The following EBF4 variants were observed in gnomAD, a reference collection of about 807,000 sequenced individuals.
The protein encoded by EBF4 is EBF transcription factor 4, also known as transcription factor COE4.
Under a neutral mutation model 67.1 loss-of-function variants are expected in EBF4, and 34 were observed. That is an observed-to-expected ratio of 0.51 (90% CI 0.39 to 0.67). EBF4 has a LOEUF of 0.67. Among genes scored for constraint, EBF4 ranks in the 30% least tolerant of loss-of-function variants. The pLI is 0.00. For missense variants in EBF4, 837 were observed against 873.3 expected (o/e 0.96, Z 0.52); for synonymous variants, 387 against 377.7 (o/e 1.02, Z -0.29).
At chr20:2,742,380 G>A (rs996680953) in intron 6 of EBF4, among the ~76,000 whole-genome samples, 1 of 152,114 alleles carries the variant, frequency 6.6e-6, no homozygotes, top group Non-Finnish European at 1.5e-5. Flanking sequence ...GGTTAGACCT[G>A]GTTCCCTGTT....
chr20:2,742,574 C>G (rs559496905), intron 6 of EBF4, among the ~76,000 whole-genome samples: 5 of 152,302 alleles, frequency 3.3e-5, no homozygotes, highest in Non-Finnish European at 5.9e-5. Context: ...GCCATGCCCT[C>G]CAAGAGCCTC....
intron 6 of EBF4, among the ~76,000 whole-genome samples, chr20:2,722,178 G>A (rs951393123): frequency 6.6e-6 from 1 of 152,130 alleles, no homozygotes; most frequent in African/African-American, 2.4e-5. Flanking sequence ...CAGGACTACA[G>A]GTATGTGCCA....
exon 9 of EBF4, chr20:2,749,621 T>G: frequency 6.4e-7 from 1 of 1,556,716 alleles, no homozygotes; most frequent in Non-Finnish European, 8.7e-7. Context: ...GCCTCCCAGC[T>G]GCCACCCCCT....
intron 13 of EBF4, 44 bp downstream of exon 13, chr20:2,752,307 G>T (rs931383506): frequency 4.2e-6 from 5 of 1,202,024 alleles, no homozygotes; most frequent in Non-Finnish European, 4.1e-6. Flanking sequence ...CGCCGCCACC[G>T]CCCCTCCCCG....
At chr20:2,711,424 G>A (rs2087543773) in intron 6 of EBF4, among the ~76,000 whole-genome samples, 1 of 152,076 alleles carries the variant, frequency 6.6e-6, no homozygotes, top group South Asian at 2.1e-4. Flanking sequence ...GAATTACTTT[G>A]TCCATGTGCC....
At chr20:2,740,795 C>G (rs1268457323) in intron 6 of EBF4, among the ~76,000 whole-genome samples, 3 of 152,084 alleles carry the variant, frequency 2.0e-5, no homozygotes, top group East Asian at 3.9e-4. Flanking sequence ...CTATCCCATG[C>G]AGAGGTCTGG....
chr20:2,747,691 G>A lies in EBF4; in HGVS notation c.558-858G>A, dbSNP rs566257332. On this transcript the variant is annotated intron_variant, in intron 6 of 16. Coordinates refer to ENST00000609451, the Ensembl canonical transcript of EBF4. The surrounding 1 kb of genome is among the most constrained non-coding windows in gnomAD (Gnocchi z 4.6). The stretch of plus-strand genomic sequence containing the variant: ...ATTTGCTGGGGGCATCTGCTATATG[G>A]GATGGCTTTACAGTATTTGCAATAA... Among the ~76,000 whole-genome samples the A allele has an allele frequency of 2.0e-5, 3 of 152,216 alleles. No homozygotes were observed. The highest frequency in any genetic ancestry group is 7.2e-5 in the African/African-American group (3 of 41,524).
At chr20:2,734,709 C>T (rs1600228342) in intron 6 of EBF4, among the ~76,000 whole-genome samples, 2 of 152,208 alleles carry the variant, frequency 1.3e-5, no homozygotes, top group African/African-American at 4.8e-5. Context: ...AGTTTCTGCT[C>T]TTGGCTTAGT....
At chr20:2,733,135 T>A (rs1381815449) in intron 6 of EBF4, among the ~76,000 whole-genome samples, 1 of 152,194 alleles carries the variant, frequency 6.6e-6, no homozygotes, top group East Asian at 1.9e-4. Flanking sequence ...TCTCCTTCAT[T>A]TTTGAAGTTG....
chr20:2,693,618 C>CG lies in EBF4; in HGVS notation c.-23dup. The CG allele has an allele frequency of 7.3e-7, 1 of 1,363,784 alleles. No individual in the cohort carries two copies. Among genetic ancestry groups the CG allele is most frequent in the Non-Finnish European group, 9.4e-7 (1 of 1,061,844 alleles). 84.5% of individuals were successfully genotyped at this position (1,363,784 alleles called of 1,614,324 possible). A position where few individuals can be genotyped will look rare whatever the true frequency, so the allele number is the denominator to read the frequency against. ...CTCAGCGGGACCGGATCCGGGGCGG[C>CG]GGGGGCGCTCACTCACCGCGCGCCC... On this transcript the variant is annotated 5_prime_UTR_variant, in exon 1 of 17. Coordinates refer to ENST00000609451, the Ensembl canonical transcript of EBF4. The surrounding 1 kb of genome is among the most constrained non-coding windows in gnomAD (Gnocchi z 4.6).
chr20:2,711,148 A>AAAT (rs144765250), intron 6 of EBF4, among the ~76,000 whole-genome samples: 3,711 of 146,794 alleles, frequency 0.025, 64 homozygotes, highest in South Asian at 0.036. Context: ...ACCCTGTCTA[A>AAAT]AATAATAATA....
chr20:2,714,336 CTCTTTCTT>C (rs1026395891), intron 6 of EBF4, among the ~76,000 whole-genome samples: 1 of 151,206 alleles, frequency 6.6e-6, no homozygotes. Context: ...CTTTCTCTCT[CTCTTTCTT>C]TCTTTCTTTT....
rs576429281 is a variant in EBF4, at chr20:2,707,873, G to C, written c.415-74G>C. The stretch of plus-strand genomic sequence containing the variant: ...CTGGGCCTAGGCTTGGGAGATGCCA[G>C]GTCCGTCTGTGCTGCCACCTGCACC... On this transcript the variant is annotated intron_variant, in intron 4 of 16. Coordinates refer to ENST00000609451, the Ensembl canonical transcript of EBF4. The surrounding 1 kb of genome is among the most constrained non-coding windows in gnomAD (Gnocchi z 4.6). 6 of 1,419,808 alleles carry C rather than the reference G, an allele frequency of 4.2e-6. No individual in the cohort carries two copies. The highest frequency in any genetic ancestry group is 2.7e-5 in the South Asian group (2 of 73,380). 88.0% of individuals were successfully genotyped at this position (1,419,808 alleles called of 1,614,324 possible).
rs1221609923 is a variant in EBF4, at chr20:2,755,867, CCTTGTGGAGCAGCTGGGCT to C, written c.1738+44_1738+62del. ...CCTCACTGTGGCAGGAAGGAAGGGC[CCTTGTGGAGCAGCTGGGCT>C]ACAGGGGCCTGCTCTGTCCACATCT... On this transcript the variant is annotated intron_variant, in intron 15 of 16. Coordinates refer to ENST00000609451, the Ensembl canonical transcript of EBF4. The surrounding 1 kb of genome is among the most constrained non-coding windows in gnomAD (Gnocchi z 4.7). 7 of 1,517,764 alleles carry C rather than the reference CCTTGTGGAGCAGCTGGGCT, an allele frequency of 4.6e-6. No homozygotes were observed. The highest frequency in any genetic ancestry group is 4.1e-5 in the African/African-American group (3 of 72,528). The allele number at this position is 1,517,764 out of a possible 1,614,324, so 94.0% of individuals were successfully genotyped here.
At position 2,751,561 on chromosome 20, in the gene EBF4, G is replaced by A. The variant is rs963983463; in HGVS notation, c.1019-139G>A. ...CGGGGGTGCCTGGAGTTTTCCGGGG[G>A]ACTTGGGCTGGGCCTGGTGGAGGGG... On this transcript the variant is annotated intron_variant, in intron 10 of 16. Coordinates refer to ENST00000609451, the Ensembl canonical transcript of EBF4. The surrounding 1 kb of genome is among the most constrained non-coding windows in gnomAD (Gnocchi z 5.2). 5.0e-6 allele frequency: 4 copies of A among 792,928 alleles called. No individual in the cohort carries two copies. Among genetic ancestry groups the A allele is most frequent in the East Asian group, 5.4e-5 (2 of 37,030 alleles). 49.1% of individuals were successfully genotyped at this position (792,928 alleles called of 1,614,324 possible). A position where few individuals can be genotyped will look rare whatever the true frequency, so the allele number is the denominator to read the frequency against.
intron 6 of EBF4, among the ~76,000 whole-genome samples, chr20:2,709,916 G>A (rs748446762): frequency 5.9e-5 from 9 of 151,550 alleles, no homozygotes; most frequent in African/African-American, 1.5e-4. Context: ...TGAGAGGGGG[G>A]TGGGAAGGGA....
chr20:2,752,096 T>G, exon 13 of EBF4: 1 of 1,459,918 alleles, frequency 6.8e-7, no homozygotes. Context: ...GAGCTGCTCC[T>G]GAAGCGCGCG....
At chr20:2,750,165 C>T (rs1212063022) in intron 10 of EBF4, among the ~76,000 whole-genome samples, 192 bp downstream of exon 10, 2 of 152,116 alleles carry the variant, frequency 1.3e-5, no homozygotes, top group Non-Finnish European at 2.9e-5. Context: ...TTCCCTGGCT[C>T]TGTGTGTTTC....
chr20:2,753,984 G>A (rs567873522), intron 14 of EBF4, among the ~76,000 whole-genome samples: 1 of 16,278 alleles, frequency 6.1e-5, no homozygotes, highest in South Asian at 1.2e-3. Flanking sequence ...ACACTGGTGG[G>A]GGTATGGAAC....
Sources: allele counts gnomAD v4.1 joint callset (sites outside exome capture counted in the v4.1 genomes callset), GRCh38; gene constraint gnomAD v4.1.1; non-coding constraint Gnocchi (gnomAD v3.1); transcripts MANE v1.5; gene names NCBI Gene and HGNC (gene_info 2026-07-23, HGNC 2026-07-21).